Variants in ORAI2 observed in about 807,000 individuals in gnomAD.
ORAI2 encodes protein orai-2.
Under a neutral mutation model 16.2 loss-of-function variants are expected in ORAI2, and 10 were observed. The observed-to-expected ratio is 0.62, with a 90% CI of 0.38 to 1.04. The LOEUF (loss-of-function observed/expected upper bound fraction) is 1.04. ORAI2 is among the 50% of genes least tolerant of loss of function. The pLI is 0.01. For missense variants in ORAI2, 238 were observed against 355.5 expected (o/e 0.67, Z 2.66); for synonymous variants, 150 against 157.5 (o/e 0.95, Z 0.35).
Position 102,454,624 on chromosome 7 carries a change from G to C in ORAI2, c.*7572G>C, listed in dbSNP as rs1012690911. The C allele has an allele frequency of 6.6e-6, 1 of 152,614 alleles. No individual in the cohort carries two copies. Among genetic ancestry groups the C allele is most frequent in the African/African-American group, 2.4e-5 (1 of 41,472 alleles). The allele number at this position is 152,614 out of a possible 1,614,324, so 9.5% of individuals were successfully genotyped here. On this transcript the variant is annotated 3_prime_UTR_variant, in exon 4 of 4. Transcript: ENST00000495936. ...GAACATCTTTCTGAAGCGGCTGAGG[G>C]ATGTCAGCTGAGCCCCCGCTGGGCC... is the stretch of plus-strand genomic sequence containing the variant.
chr7:102,435,533 C>A (rs55995033), intron 1 of ORAI2, among the ~76,000 whole-genome samples: 4 of 128,390 alleles, frequency 3.1e-5, no homozygotes, highest in Admixed American at 2.0e-4. Context: ...ATTGCCCCCC[C>A]CTCTTTTTTT....
At chr7:102,443,119 CTTCTTCTTCTTCTTT>C (rs1797254062) in intron 3 of ORAI2, among the ~76,000 whole-genome samples, 2 of 88,158 alleles carry the variant, frequency 2.3e-5, no homozygotes, top group African/African-American at 7.0e-5. Context: ...TCTTCTTCTT[CTTCTTCTTCTTCTTT>C]TTTTTTTTTT....
At chr7:102,438,216 C>T (rs144249598) in intron 2 of ORAI2, among the ~76,000 whole-genome samples, 8 of 150,600 alleles carry the variant, frequency 5.3e-5, no homozygotes, top group East Asian at 2.0e-4. Context: ...GCTATGGTGG[C>T]GGGCGTCTGT....
chr7:102,435,176 C>T (rs574074679), intron 1 of ORAI2, among the ~76,000 whole-genome samples: 2 of 152,084 alleles, frequency 1.3e-5, no homozygotes, highest in Admixed American at 6.6e-5. Context: ...GTGGTTGAGG[C>T]GGGAGGATCG....
In ORAI2 at chr7:102,451,427, C is replaced by G. The variant is rs1210544574; in HGVS notation, c.*4375C>G. The G allele has an allele frequency of 6.6e-6, 1 of 152,172 alleles. No homozygotes were observed. The highest frequency in any genetic ancestry group is 2.4e-5 in the African/African-American group (1 of 41,444). The allele number at this position is 152,172 out of a possible 1,614,324, so 9.4% of individuals were successfully genotyped here. A position where few individuals can be genotyped will look rare whatever the true frequency, so the allele number is the denominator to read the frequency against. On this transcript the variant is annotated 3_prime_UTR_variant, in exon 4 of 4. Transcript: ENST00000495936. Reference sequence around the variant, plus strand: ...TGTTTTCGTGTCTTCTAGGAAGGGTCTGCTGAGGACCAGACCACGTAAGCC... The same window carrying G: ...TGTTTTCGTGTCTTCTAGGAAGGGTGTGCTGAGGACCAGACCACGTAAGCC...
Position 102,452,635 on chromosome 7 carries a change from T to A in ORAI2, c.*5583T>A, listed in dbSNP as rs1233162485. On this transcript the variant is annotated 3_prime_UTR_variant, in exon 4 of 4. Coordinates refer to ENST00000495936, the MANE Select transcript of ORAI2 (RefSeq NM_001126340.3). ...TAATGTTTTTTTTGTAGAGATGGGA[T>A]CTTGCTATGTTGCCCAGTCTGGTCT... 6.6e-6 allele frequency: 1 copy of A among 151,160 alleles called. No individual in the cohort carries two copies. The highest frequency in any genetic ancestry group is 1.5e-5 in the Non-Finnish European group (1 of 67,916). 9.4% of individuals were successfully genotyped at this position (151,160 alleles called of 1,614,324 possible). A position where few individuals can be genotyped will look rare whatever the true frequency, so the allele number is the denominator to read the frequency against.
rs765238790 is a variant in ORAI2 at position 102,446,562 on chromosome 7, C to G, written c.275C>G (p.Pro92Arg). ...QLETQYQYPR[P>R]LLIAFSACTT... is the part of the protein sequence containing the mutation. ...GAGACGCAGTACCAGTACCCGCGGCCGCTGCTGATTGCCTTCAGCGCCTGC... is the reference window on the plus strand; with the variant it reads ...GAGACGCAGTACCAGTACCCGCGGCGGCTGCTGATTGCCTTCAGCGCCTGC... The change falls in exon 4 of 4, where the codon CCG becomes CGG. Residue 92 changes from proline (P) to arginine (R), a missense_variant. Pro to Arg is a moderately radical substitution (Grantham distance 103). Transcript: ENST00000495936. The G allele has an allele frequency of 6.2e-7, 1 of 1,612,830 alleles. No individual in the cohort carries two copies. Among genetic ancestry groups the G allele is most frequent in the Non-Finnish European group, 8.5e-7 (1 of 1,179,848 alleles).
At chr7:102,444,822 C>T (rs1382568586) in intron 3 of ORAI2, among the ~76,000 whole-genome samples, 1 of 151,782 alleles carries the variant, frequency 6.6e-6, no homozygotes, top group East Asian at 1.9e-4. Flanking sequence ...CCCACCACCA[C>T]GTCCAGCTAA....
intron 3 of ORAI2, among the ~76,000 whole-genome samples, chr7:102,442,028 G>C (rs564583406): frequency 8.5e-5 from 13 of 152,228 alleles, no homozygotes; most frequent in African/African-American, 3.1e-4. Context: ...CCTTTGTCTA[G>C]CAACACGTGC....
At chr7:102,443,638 G>A (rs765813107) in intron 3 of ORAI2, among the ~76,000 whole-genome samples, 12 of 151,962 alleles carry the variant, frequency 7.9e-5, no homozygotes, top group South Asian at 2.1e-4. Context: ...TTTTGGATAC[G>A]TTTCACAAGG....
intron 3 of ORAI2, among the ~76,000 whole-genome samples, chr7:102,440,725 CA>C: frequency 6.6e-6 from 1 of 150,960 alleles, no homozygotes; most frequent in East Asian, 1.9e-4. Flanking sequence ...TTTTCAGAGA[CA>C]AGTTCTCTGC....
Position 102,437,949 on chromosome 7 carries a change from T to G in ORAI2, c.-13-995T>G, listed in dbSNP as rs149291927. 4.2e-3 allele frequency among the ~76,000 whole-genome samples: 644 copies of G among 152,256 alleles called. 7 individuals are homozygous for G. The highest frequency in any genetic ancestry group is 0.015 in the African/African-American group (626 of 41,554). On this transcript the variant is annotated intron_variant, in intron 2 of 3. Transcript: ENST00000495936. ...TTATGGTCCTAGCTCCTCAGAAGGC[T>G]GAGGCAGAAGCTTCCCTTGAACCTA...
intron 2 of ORAI2, among the ~76,000 whole-genome samples, chr7:102,436,693 T>G (rs1797067857): frequency 6.6e-6 from 1 of 152,096 alleles, no homozygotes; most frequent in African/African-American, 2.4e-5. Flanking sequence ...GAAGTTACTC[T>G]TTTCGTTTCT....
chr7:102,446,076 G>C (rs577763829), intron 3 of ORAI2, among the ~76,000 whole-genome samples: 1 of 152,206 alleles, frequency 6.6e-6, no homozygotes, highest in African/African-American at 2.4e-5. Flanking sequence ...AGCCTCCCGA[G>C]TAGCTGGGAT....
rs1284930119 is a variant in ORAI2 at position 102,447,346 on chromosome 7, G to A, written c.*294G>A. On this transcript the variant is annotated 3_prime_UTR_variant, in exon 4 of 4. Coordinates refer to ENST00000495936, the MANE Select transcript of ORAI2 (RefSeq NM_001126340.3). ...CAGCGGGACCTGCCCATCAGTCCTG[G>A]GCCAGGAGGGGCTCCAAGCAGCACC... 7 of 404,616 alleles carry A rather than the reference G, an allele frequency of 1.7e-5. No individual in the cohort carries two copies. In the East Asian group the frequency reaches 2.7e-4, roughly 16 times the overall value. 25.1% of individuals were successfully genotyped at this position (404,616 alleles called of 1,614,324 possible). A position where few individuals can be genotyped will look rare whatever the true frequency, so the allele number is the denominator to read the frequency against.
chr7:102,453,618 TC>T lies in ORAI2; in HGVS notation c.*6568del, dbSNP rs1351807655. On this transcript the variant is annotated 3_prime_UTR_variant, in exon 4 of 4. Coordinates refer to ENST00000495936, the MANE Select transcript of ORAI2 (RefSeq NM_001126340.3). ...CACAAGCCTCGAGAAAGACTGCACT[TC>T]CGGTGGAGGCTGCAGTTTCCTTAAA... 1 of 152,212 alleles carries T rather than the reference TC, an allele frequency of 6.6e-6. No individual in the cohort carries two copies. Among genetic ancestry groups the T allele is most frequent in the African/African-American group, 2.4e-5 (1 of 41,444 alleles). The allele number at this position is 152,212 out of a possible 1,614,324, so 9.4% of individuals were successfully genotyped here.
At chr7:102,443,943 G>A (rs1264768056) in intron 3 of ORAI2, among the ~76,000 whole-genome samples, 1 of 152,028 alleles carries the variant, frequency 6.6e-6, no homozygotes, top group Non-Finnish European at 1.5e-5. Flanking sequence ...CTGACCTCAG[G>A]TGATCCGCCC....
chr7:102,451,512 G>A lies in ORAI2; in HGVS notation c.*4460G>A, dbSNP rs1797518335. On this transcript the variant is annotated 3_prime_UTR_variant, in exon 4 of 4. Transcript: ENST00000495936. ...GCCTCGTGCTGATGATCTATGCATG[G>A]CGTTATGTAGATCACGTGCGGCAGA... 2 of 152,262 alleles carry A rather than the reference G, an allele frequency of 1.3e-5. No individual in the cohort carries two copies. Among genetic ancestry groups the A allele is most frequent in the Admixed American group, 1.3e-4 (2 of 15,278 alleles). 9.4% of individuals were successfully genotyped at this position (152,262 alleles called of 1,614,324 possible). A position where few individuals can be genotyped will look rare whatever the true frequency, so the allele number is the denominator to read the frequency against.
At chr7:102,435,826 G>T (rs541379593) in intron 1 of ORAI2, among the ~76,000 whole-genome samples, 1 of 152,022 alleles carries the variant, frequency 6.6e-6, no homozygotes, top group Non-Finnish European at 1.5e-5. Flanking sequence ...GAAGAGACAG[G>T]TTTCCACCAT....
Sources: allele counts gnomAD v4.1 joint callset (sites outside exome capture counted in the v4.1 genomes callset), GRCh38; gene constraint gnomAD v4.1.1; transcripts MANE v1.5; gene names NCBI Gene and HGNC (gene_info 2026-07-23, HGNC 2026-07-21).